Variants in REXO5 observed in about 807,000 individuals in gnomAD.
REXO5 encodes exonuclease NEF-sp.
Under a neutral mutation model 88.5 loss-of-function variants are expected in REXO5, and 48 were observed. The ratio of observed to expected loss-of-function variants is 0.54; its 90% CI spans 0.43 to 0.69. The LOEUF is 0.69. Ranked by LOEUF, REXO5 falls within the 30% of genes least tolerant of loss-of-function variation. The pLI, the probability that REXO5 is intolerant of heterozygous loss-of-function variation, is 0.00. For synonymous variants in REXO5, 311 were observed against 336.5 expected (o/e 0.92, Z 0.83); for missense variants, 749 against 912.2 (o/e 0.82, Z 2.30).
At chr16:20,816,012 G>A in intron 4 of REXO5, 104 bp from the exon 5 acceptor site, 1 of 860,272 alleles carries the variant, frequency 1.2e-6, no homozygotes, top group South Asian at 1.6e-5. Flanking sequence ...AACAATTACT[G>A]TCTAGAACTT....
At chr16:20,812,510 G>A (rs2081015356) in intron 2 of REXO5, among the ~76,000 whole-genome samples, 1 of 152,130 alleles carries the variant, frequency 6.6e-6, no homozygotes, top group African/African-American at 2.4e-5. Flanking sequence ...GGGTGACAGA[G>A]TGAGACTCTG....
At chr16:20,821,322 T>C (rs935806229) in intron 5 of REXO5, among the ~76,000 whole-genome samples, 1 of 152,216 alleles carries the variant, frequency 6.6e-6, no homozygotes, top group African/African-American at 2.4e-5. Context: ...AGTCTCGCTC[T>C]GCTGCCCAGG....
chr16:20,815,142 C>A (rs2081061760), intron 4 of REXO5, 89 bp downstream of exon 4: 2 of 1,388,642 alleles, frequency 1.4e-6, no homozygotes, highest in Non-Finnish European at 1.9e-6. Context: ...TCCTTGGCAA[C>A]CTAACTGAAC....
chr16:20,840,240 A>AT, intron 14 of REXO5, 91 bp from the exon 15 acceptor site: 1 of 1,158,248 alleles, frequency 8.6e-7, no homozygotes, highest in Non-Finnish European at 1.2e-6. Flanking sequence ...TATCAAAAAA[A>AT]TCTTTGGTGA....
At chr16:20,810,989 C>CAAG (rs1243098077) in intron 2 of REXO5, among the ~76,000 whole-genome samples, 1 of 152,184 alleles carries the variant, frequency 6.6e-6, no homozygotes, top group Non-Finnish European at 1.5e-5. Flanking sequence ...CATTGATGCC[C>CAAG]TCCTTACCCT....
At position 20,845,128 on chromosome 16, in the gene REXO5, C is replaced by G; in HGVS notation, c.2011C>G (p.His671Asp). 1.2e-6 allele frequency: 2 copies of G among 1,614,170 alleles called. No homozygotes were observed. The highest frequency in any genetic ancestry group is 1.7e-6 in the Non-Finnish European group (2 of 1,180,012). Reference protein sequence around the residue: ...TGKDWKLKGRHALTPRHLHAW... With the variant: ...TGKDWKLKGRDALTPRHLHAW... ...CAAGGACTGGAAGCTGAAAGGCAGG[C>G]ATGCCCTAACCCCCAGGCACCTCCA... Residue 671 changes from histidine to aspartate, a missense_variant, in exon 18 of 20, where the codon CAT becomes GAT. Physicochemically the swap from His to Asp is moderately conservative, Grantham distance 81. Transcript: ENST00000261377.
intron 8 of REXO5, 57 bp from the exon 9 acceptor site, chr16:20,827,001 C>A: frequency 6.4e-7 from 1 of 1,552,964 alleles, no homozygotes; most frequent in Non-Finnish European, 8.8e-7. Context: ...AATCACTTTC[C>A]AGAGAGGAAA....
chr16:20,813,217 A>G lies in REXO5; in HGVS notation c.166A>G (p.Thr56Ala). ...KKARLSTILF[T>A]DNCEVTHDQL... is the part of the protein sequence containing the mutation. ...AGCCCGCTTATCTACCATTTTATTTACTGACAACTGTGAAGTAACCCATGA... is the reference window on the plus strand; with the variant it reads ...AGCCCGCTTATCTACCATTTTATTTGCTGACAACTGTGAAGTAACCCATGA... Residue 56 changes from threonine to alanine, a missense_variant, in exon 3 of 20, where the codon ACT becomes GCT. Physicochemically the swap from Thr to Ala is moderately conservative, Grantham distance 58. Transcript: ENST00000261377. 6.2e-7 allele frequency: 1 copy of G among 1,613,748 alleles called. No homozygotes were observed. The highest frequency in any genetic ancestry group is 8.5e-7 in the Non-Finnish European group (1 of 1,179,724).
At chr16:20,823,364 C>G (rs1184079933) in intron 6 of REXO5, 1 of 152,146 alleles carries the variant, frequency 6.6e-6, no homozygotes, top group African/African-American at 2.4e-5. Flanking sequence ...CATTAACTGG[C>G]AGTCCTATGA....
chr16:20,806,751 G>C lies in REXO5; in HGVS notation c.-3+46G>C, dbSNP rs574938308. On this transcript the variant is annotated intron_variant, in intron 1 of 19. Transcript: ENST00000261377. Reference sequence around the variant, plus strand: ...AGCCGTTTGGGTTAGAGCGGCGCGGGTGTCCAGTCCGCGGAACGGGGAGAT... The same window carrying C: ...AGCCGTTTGGGTTAGAGCGGCGCGGCTGTCCAGTCCGCGGAACGGGGAGAT... The C allele has an allele frequency of 2.5e-5, 25 of 1,010,700 alleles. No individual in the cohort carries two copies. The East Asian group carries it at 5.8e-4, about 24-fold the overall frequency. The allele number at this position is 1,010,700 out of a possible 1,614,324, so 62.6% of individuals were successfully genotyped here.
At position 20,827,421 on chromosome 16, in the gene REXO5, C is replaced by G. The variant is rs755846605; in HGVS notation, c.1029C>G (p.Leu343=). ...GAGAGCAGGGCAGAAGATTTAAGCT[C>G]AAGTTCTTAGCCAAAGTTATTTTGG... ...YVREQGRRFK[L]KFLAKVILGK... The change falls in exon 10 of 20, where the codon CTC becomes CTG. Residue 343 remains leucine, a synonymous_variant. Transcript: ENST00000261377. 2.5e-6 allele frequency: 4 copies of G among 1,613,194 alleles called. No homozygotes were observed. The highest frequency in any genetic ancestry group is 2.7e-5 in the African/African-American group (2 of 74,896).
At chr16:20,817,990 G>A (rs551414888) in intron 5 of REXO5, among the ~76,000 whole-genome samples, 1 of 152,186 alleles carries the variant, frequency 6.6e-6, no homozygotes, top group East Asian at 1.9e-4. Flanking sequence ...TCTTGTTGGT[G>A]TCATTTTTCT....
Position 20,806,570 on chromosome 16 carries a change from C to T in REXO5, c.-138C>T. On this transcript the variant is annotated 5_prime_UTR_variant, in exon 1 of 20. Coordinates refer to ENST00000261377, the MANE Select transcript of REXO5 (RefSeq NM_030941.3). Reference sequence around the variant, plus strand: ...TAAGGAGGGGAGAACCTCTGCTCCCCGCCCGTCTTCTCTTCTGCGTTTCCC... The same window carrying T: ...TAAGGAGGGGAGAACCTCTGCTCCCTGCCCGTCTTCTCTTCTGCGTTTCCC... 6.8e-7 allele frequency: 1 copy of T among 1,470,822 alleles called. No homozygotes were observed. The highest frequency in any genetic ancestry group is 1.3e-5 in the South Asian group (1 of 75,210). The allele number at this position is 1,470,822 out of a possible 1,614,324, so 91.1% of individuals were successfully genotyped here. A position where few individuals can be genotyped will look rare whatever the true frequency, so the allele number is the denominator to read the frequency against.
At chr16:20,806,900 G>A (rs2080888457) in intron 1 of REXO5, 52 bp from the exon 2 acceptor site, 1 of 1,535,530 alleles carries the variant, frequency 6.5e-7, no homozygotes, top group South Asian at 1.2e-5. Flanking sequence ...GCGGCACGCG[G>A]GGGAATAGGG....
intron 17 of REXO5, 44 bp downstream of exon 17, chr16:20,844,889 G>A (rs1489227411): frequency 6.3e-7 from 1 of 1,580,702 alleles, no homozygotes; most frequent in African/African-American, 1.3e-5. Context: ...AGGAAACTGG[G>A]GATGGTGATA....
intron 15 of REXO5, among the ~76,000 whole-genome samples, chr16:20,842,942 CA>C (rs1280258984): frequency 6.6e-6 from 1 of 152,126 alleles, no homozygotes; most frequent in Non-Finnish European, 1.5e-5. Flanking sequence ...GTGGCTATAC[CA>C]TTTTACATTC....
At chr16:20,836,547 G>T (rs1330410722) in intron 13 of REXO5, among the ~76,000 whole-genome samples, 1 of 152,168 alleles carries the variant, frequency 6.6e-6, no homozygotes, top group Non-Finnish European at 1.5e-5. Context: ...CATCTTGGCT[G>T]CTTCCAAGTT....
At chr16:20,840,503 T>C in intron 15 of REXO5, 35 bp downstream of exon 15, 9 of 1,523,972 alleles carry the variant, frequency 5.9e-6, no homozygotes, top group Non-Finnish European at 7.1e-6. Flanking sequence ...ATTTTCTAGA[T>C]TAGTGTTAGA....
chr16:20,813,131 C>A (rs1278708277), intron 2 of REXO5, 59 bp from the exon 3 acceptor site: 41 of 1,119,454 alleles, frequency 3.7e-5, no homozygotes, highest in Non-Finnish European at 5.1e-5. Flanking sequence ...ATTTAACTTG[C>A]TTTGTTGGTA....
Sources: allele counts gnomAD v4.1 joint callset (sites outside exome capture counted in the v4.1 genomes callset), GRCh38; gene constraint gnomAD v4.1.1; transcripts MANE v1.5; gene names NCBI Gene and HGNC (gene_info 2026-07-23, HGNC 2026-07-21).